Variants in DPP6 observed in about 807,000 individuals in gnomAD.
DPP6 encodes dipeptidyl peptidase like 6.
In DPP6, 69 loss-of-function variants were observed where a neutral mutation model predicts 122.6. That is an observed-to-expected ratio of 0.56 (90% CI 0.46 to 0.69). DPP6 has a LOEUF of 0.69. Among genes scored for constraint, DPP6 ranks in the 30% least tolerant of loss-of-function variants. The pLI is 0.00. For missense variants in DPP6, 928 were observed against 1,116.9 expected (o/e 0.83, Z 2.41); for synonymous variants, 418 against 433.1 (o/e 0.97, Z 0.43).
intron 1 of DPP6, among the ~76,000 whole-genome samples, chr7:153,950,901 A>C (rs1490834308): frequency 6.6e-6 from 1 of 152,186 alleles, no homozygotes; most frequent in Non-Finnish European, 1.5e-5. Flanking sequence ...TGTCTCGTGG[A>C]ATGCAAGCCA....
chr7:154,752,728 C>G (rs1322925668), intron 8 of DPP6, among the ~76,000 whole-genome samples: 2 of 152,170 alleles, frequency 1.3e-5, no homozygotes, highest in African/African-American at 2.4e-5. Flanking sequence ...CCCTGACCTA[C>G]AGTGGCGGCC....
intron 8 of DPP6, among the ~76,000 whole-genome samples, chr7:154,736,643 CGTCT>C (rs1398010804): frequency 6.6e-6 from 1 of 152,152 alleles, no homozygotes; most frequent in Non-Finnish European, 1.5e-5. Flanking sequence ...CAGCTCTTGT[CGTCT>C]GTATCAAGAT....
chr7:154,866,562 C>T (rs1803893100), intron 17 of DPP6, among the ~76,000 whole-genome samples: 1 of 152,234 alleles, frequency 6.6e-6, no homozygotes, highest in African/African-American at 2.4e-5. Flanking sequence ...CCACTGCAGA[C>T]ACCCCTTGCA....
intron 1 of DPP6, among the ~76,000 whole-genome samples, chr7:154,137,658 T>G (rs950666644): frequency 0.028 from 1,360 of 48,158 alleles, 3 homozygotes; most frequent in Middle Eastern, 0.056. Flanking sequence ...GGTGGGGGGG[T>G]GGGGGGGGTG....
intron 2 of DPP6, among the ~76,000 whole-genome samples, chr7:154,467,835 G>A (rs1821923061): frequency 6.6e-6 from 1 of 152,140 alleles, no homozygotes; most frequent in African/African-American, 2.4e-5. Flanking sequence ...CTCTATGTTT[G>A]CCTTCTGCTG....
intron 1 of DPP6, among the ~76,000 whole-genome samples, chr7:154,391,123 A>G (rs1032347842): frequency 2.6e-5 from 4 of 152,194 alleles, no homozygotes; most frequent in Non-Finnish European, 5.9e-5. Context: ...ACAGATTACC[A>G]TCACTGTCCG....
intron 6 of DPP6, among the ~76,000 whole-genome samples, chr7:154,666,098 CAA>C (rs1838132451): frequency 2.0e-5 from 3 of 151,664 alleles, no homozygotes; most frequent in Non-Finnish European, 4.4e-5. Flanking sequence ...TCCTTTTTCA[CAA>C]AAGACTCGAT....
intron 5 of DPP6, chr7:154,588,655 A>C (rs899294738): frequency 6.6e-6 from 1 of 151,210 alleles, no homozygotes; most frequent in East Asian, 1.9e-4. Context: ...CACTGAATTA[A>C]TAATTTATTT....
the DPP6 span, among the ~76,000 whole-genome samples, chr7:153,824,618 A>T: frequency 6.6e-6 from 1 of 151,986 alleles, no homozygotes; most frequent in Non-Finnish European, 1.5e-5. Flanking sequence ...TGGGAGGCAG[A>T]TGTTGCAGTG....
chr7:154,434,453 C>G (rs539081729), intron 1 of DPP6, among the ~76,000 whole-genome samples: 1 of 152,188 alleles, frequency 6.6e-6, no homozygotes, highest in African/African-American at 2.4e-5. Flanking sequence ...TCACCCTTCC[C>G]TCTCTGCTTG....
upstream of DPP6, among the ~76,000 whole-genome samples, chr7:154,051,210 C>T (rs531207405): frequency 2.5e-4 from 31 of 123,250 alleles, 8 homozygotes; most frequent in South Asian, 7.5e-3. Flanking sequence ...CAACGCCCTA[C>T]CTCCATGTGG....
At position 154,795,901 on chromosome 7, in the gene DPP6, G is replaced by A. The variant is rs747799701; in HGVS notation, c.1299+18G>A. On this transcript the variant is annotated intron_variant, in intron 12 of 25. Transcript: ENST00000377770. The stretch of plus-strand genomic sequence containing the variant: ...ACAGACAGGTAACTACTGCATGTCC[G>A]GGTCCCCACTGTCACCTCCACCTGA... The A allele has an allele frequency of 9.6e-5, 154 of 1,605,918 alleles. No homozygotes were observed. The highest frequency in any genetic ancestry group is 6.7e-4 in the Middle Eastern group (4 of 6,012).
At chr7:154,301,229 G>A (rs1186372558) in intron 1 of DPP6, among the ~76,000 whole-genome samples, 3 of 152,174 alleles carry the variant, frequency 2.0e-5, no homozygotes, top group Non-Finnish European at 2.9e-5. Context: ...CATTGTTATT[G>A]TTATGATTAA....
chr7:153,852,515 A>C, the DPP6 span, among the ~76,000 whole-genome samples: 2 of 152,074 alleles, frequency 1.3e-5, no homozygotes, highest in African/African-American at 4.8e-5. Flanking sequence ...GAATGGTGTT[A>C]AACCATTCAT....
At chr7:154,391,572 A>G (rs2151165765) in intron 1 of DPP6, among the ~76,000 whole-genome samples, 1 of 152,246 alleles carries the variant, frequency 6.6e-6, no homozygotes, top group South Asian at 2.1e-4. Flanking sequence ...TTAGTCCATC[A>G]TTTGGGCAGC....
At chr7:154,645,345 G>T (rs1836395456) in intron 6 of DPP6, among the ~76,000 whole-genome samples, 1 of 152,100 alleles carries the variant, frequency 6.6e-6, no homozygotes, top group South Asian at 2.1e-4. Flanking sequence ...GATTACAGGC[G>T]TGAGCCACTG....
At chr7:154,431,463 TTTCTTTTCTTTTC>T (rs1818381482) in intron 1 of DPP6, among the ~76,000 whole-genome samples, 1 of 12,932 alleles carries the variant, frequency 7.7e-5, no homozygotes, top group Non-Finnish European at 1.3e-4. Flanking sequence ...TTTCTTTTCT[TTTCTTTTCTTTTC>T]TTTTCTTTTC....
chr7:154,316,287 C>T (rs1480481395), intron 1 of DPP6, among the ~76,000 whole-genome samples: 1 of 152,188 alleles, frequency 6.6e-6, no homozygotes, highest in African/African-American at 2.4e-5. Context: ...ACTATTCACT[C>T]CAGCCACCAG....
At chr7:154,114,571 A>G (rs985326306) in intron 1 of DPP6, among the ~76,000 whole-genome samples, 6 of 152,174 alleles carry the variant, frequency 3.9e-5, no homozygotes, top group African/African-American at 1.4e-4. Context: ...TTAAGCAGGG[A>G]GGCCTTAACT....
Sources: allele counts gnomAD v4.1 joint callset (sites outside exome capture counted in the v4.1 genomes callset), GRCh38; gene constraint gnomAD v4.1.1; transcripts MANE v1.5; gene names NCBI Gene and HGNC (gene_info 2026-07-23, HGNC 2026-07-21).